The following CAP2 variants were observed in gnomAD, a reference collection of about 807,000 sequenced individuals.
CAP2 encodes the protein adenylyl cyclase-associated protein 2.
In CAP2, 24 loss-of-function variants were observed where a neutral mutation model predicts 57.7. That is an observed-to-expected ratio of 0.42 (90% CI 0.30 to 0.58). The LOEUF (loss-of-function observed/expected upper bound fraction) is 0.58. CAP2 is among the 20% of genes least tolerant of loss of function. CAP2 has a pLI of 0.22. For missense variants in CAP2, 501 were observed against 590.3 expected (o/e 0.85, Z 1.57); for synonymous variants, 194 against 207.2 (o/e 0.94, Z 0.55).
intron 11 of CAP2, among the ~76,000 whole-genome samples, chr6:17,543,951 C>A (rs577956892): frequency 6.6e-6 from 1 of 151,816 alleles, no homozygotes; most frequent in Non-Finnish European, 1.5e-5. Context: ...ATGGTGAAAC[C>A]CTGTCTATAT....
At chr6:17,399,235 A>G (rs1758748045) in intron 1 of CAP2, among the ~76,000 whole-genome samples, 1 of 151,642 alleles carries the variant, frequency 6.6e-6, no homozygotes. Context: ...GCTAATTTTT[A>G]TACTTTTAGT....
chr6:17,401,510 G>A (rs146858813), intron 1 of CAP2, among the ~76,000 whole-genome samples: 9 of 152,252 alleles, frequency 5.9e-5, no homozygotes, highest in East Asian at 1.9e-4. Context: ...AATGTATACT[G>A]TCCTGGTATT....
At chr6:17,399,153 T>C (rs1758745892) in intron 1 of CAP2, among the ~76,000 whole-genome samples, 1 of 152,248 alleles carries the variant, frequency 6.6e-6, no homozygotes, top group Non-Finnish European at 1.5e-5. Flanking sequence ...AACCTCCGCC[T>C]CCCAGGTTCA....
At chr6:17,555,921 T>C (rs1241186291) in intron 12 of CAP2, among the ~76,000 whole-genome samples, 1 of 152,168 alleles carries the variant, frequency 6.6e-6, no homozygotes, top group Non-Finnish European at 1.5e-5. Flanking sequence ...TAAAGTTTAG[T>C]GGAGAGTAGT....
chr6:17,550,471 G>C (rs1763144803), intron 11 of CAP2, among the ~76,000 whole-genome samples: 1 of 134,994 alleles, frequency 7.4e-6, no homozygotes, highest in African/African-American at 2.7e-5. Flanking sequence ...GGAGAGAGAG[G>C]AGGAAACAGA....
intron 4 of CAP2, among the ~76,000 whole-genome samples, chr6:17,496,027 T>TGGCGGTGGG (rs3075209): frequency 6.8e-5 from 3 of 44,314 alleles, no homozygotes; most frequent in Admixed American, 2.9e-4. Context: ...CGTGTGTGGG[T>TGGCGGTGGG]GGGGGGGGGG....
At chr6:17,490,781 G>A (rs981852843) in intron 4 of CAP2, among the ~76,000 whole-genome samples, 1 of 152,214 alleles carries the variant, frequency 6.6e-6, no homozygotes, top group Non-Finnish European at 1.5e-5. Flanking sequence ...CTGGAAGAGA[G>A]ACTGGGGCAG....
In CAP2 at chr6:17,507,246, G is replaced by T; in HGVS notation, c.378G>T (p.Gly126=). 2 of 1,614,158 alleles carry T rather than the reference G, an allele frequency of 1.2e-6. No homozygotes were observed. The highest frequency in any genetic ancestry group is 2.2e-5 in the East Asian group (1 of 44,888). ...AAACTTTCAGAGAGAGAAACCGGGG[G>T]AGTAACATGTTTAATCATCTTTCGG... is the stretch of plus-strand genomic sequence containing the variant. The part of the protein sequence containing the change: ...EIQTFRERNR[G]SNMFNHLSAV... Residue 126 remains glycine, a synonymous_variant, in exon 5 of 13, where the codon GGG becomes GGT. Transcript: ENST00000229922.
intron 3 of CAP2, among the ~76,000 whole-genome samples, chr6:17,455,617 T>G (rs905239118): frequency 6.6e-6 from 1 of 151,580 alleles, no homozygotes; most frequent in Non-Finnish European, 1.5e-5. Flanking sequence ...CTCACTGCAC[T>G]CTCCGCCTCC....
chr6:17,465,982 C>T (rs2113602014), intron 4 of CAP2, among the ~76,000 whole-genome samples: 1 of 152,286 alleles, frequency 6.6e-6, no homozygotes, highest in East Asian at 1.9e-4. Flanking sequence ...GTTGCAGACT[C>T]TGAACACACA....
chr6:17,556,490 A>G lies in CAP2; in HGVS notation c.*48A>G. The G allele has an allele frequency of 7.4e-7, 1 of 1,355,316 alleles. No individual in the cohort carries two copies. The allele number at this position is 1,355,316 out of a possible 1,614,324, so 84.0% of individuals were successfully genotyped here. On this transcript the variant is annotated 3_prime_UTR_variant, in exon 13 of 13. Transcript: ENST00000229922. Reference sequence around the variant, plus strand: ...TCACCTGAATCCCCCTCTATCAAACAAACAAAAAAGCAGCAGTAAAGAGCT... The same window carrying G: ...TCACCTGAATCCCCCTCTATCAAACGAACAAAAAAGCAGCAGTAAAGAGCT...
At chr6:17,517,076 T>A (rs1017163137) in intron 7 of CAP2, among the ~76,000 whole-genome samples, 1 of 152,212 alleles carries the variant, frequency 6.6e-6, no homozygotes, top group Non-Finnish European at 1.5e-5. Flanking sequence ...TTTTATCGAT[T>A]TCCAATGAGA....
chr6:17,505,259 A>G (rs780251538), intron 4 of CAP2, among the ~76,000 whole-genome samples: 71 of 152,202 alleles, frequency 4.7e-4, no homozygotes, highest in Non-Finnish European at 9.8e-4. Context: ...AAGCCCTTAC[A>G]TTCAACATTC....
At chr6:17,491,037 T>C (rs1761529737) in intron 4 of CAP2, among the ~76,000 whole-genome samples, 2 of 152,200 alleles carry the variant, frequency 1.3e-5, no homozygotes. Flanking sequence ...TTCTCTTTCA[T>C]TCTTCTTCTG....
At chr6:17,469,537 C>G (rs1315290731) in intron 4 of CAP2, among the ~76,000 whole-genome samples, 2 of 152,082 alleles carry the variant, frequency 1.3e-5, no homozygotes, top group Non-Finnish European at 2.9e-5. Context: ...TGGTCATTGG[C>G]TGCCTGGTAG....
At chr6:17,496,027 T>C (rs980636616) in intron 4 of CAP2, among the ~76,000 whole-genome samples, 6 of 44,314 alleles carry the variant, frequency 1.4e-4, no homozygotes, top group Admixed American at 5.7e-4. Context: ...CGTGTGTGGG[T>C]GGGGGGGGGG....
At chr6:17,441,090 C>A (rs1581521763) in intron 3 of CAP2, among the ~76,000 whole-genome samples, 1 of 151,464 alleles carries the variant, frequency 6.6e-6, no homozygotes, top group Admixed American at 6.6e-5. Context: ...TCTTTTTCAG[C>A]ATCTATAGAT....
At chr6:17,497,253 G>A (rs755465901) in intron 4 of CAP2, among the ~76,000 whole-genome samples, 2 of 152,172 alleles carry the variant, frequency 1.3e-5, no homozygotes, top group African/African-American at 2.4e-5. Flanking sequence ...CTGGGTTTAA[G>A]TAAAGCTCAA....
intron 2 of CAP2, among the ~76,000 whole-genome samples, chr6:17,423,319 G>A (rs1351483218): frequency 6.6e-6 from 1 of 152,172 alleles, no homozygotes; most frequent in Non-Finnish European, 1.5e-5. Flanking sequence ...AATTGAAAGG[G>A]GGTGTTGTTT....
Sources: allele counts gnomAD v4.1 joint callset (sites outside exome capture counted in the v4.1 genomes callset), GRCh38; gene constraint gnomAD v4.1.1; transcripts MANE v1.5; gene names NCBI Gene and HGNC (gene_info 2026-07-23, HGNC 2026-07-21).